BMPR1A: variants seen among roughly 807,000 people sequenced by gnomAD.
BMPR1A encodes the protein bone morphogenetic protein receptor type 1A.
BMPR1A carries 7 observed loss-of-function variants against 66.0 expected under a neutral mutation model. The ratio of observed to expected loss-of-function variants is 0.11; its 90% CI spans 0.06 to 0.20. BMPR1A has a LOEUF of 0.20. Ranked by LOEUF, BMPR1A falls within the 10% of genes least tolerant of loss-of-function variation. The pLI, the probability that BMPR1A is intolerant of heterozygous loss-of-function variation, is 1.00. For missense variants in BMPR1A, 408 were observed against 669.1 expected (o/e 0.61, Z 4.31); for synonymous variants, 200 against 229.7 (o/e 0.87, Z 1.17).
chr10:86,812,724 A>G (rs1177654944), intron 1 of BMPR1A, among the ~76,000 whole-genome samples: 1 of 152,122 alleles, frequency 6.6e-6, no homozygotes, highest in Non-Finnish European at 1.5e-5. Flanking sequence ...CCCAATCCAC[A>G]TGTACATAGC....
chr10:86,826,089 A>C (rs1211316063), intron 1 of BMPR1A, among the ~76,000 whole-genome samples: 1 of 152,124 alleles, frequency 6.6e-6, no homozygotes, highest in African/African-American at 2.4e-5. Context: ...CTGTTTATAA[A>C]GACATATATA....
chr10:86,814,807 A>G lies in BMPR1A; in HGVS notation c.-267-24058A>G, dbSNP rs777440125. 1.5e-4 allele frequency among the ~76,000 whole-genome samples: 23 copies of G among 151,362 alleles called. 1 individual carries two copies. Among genetic ancestry groups the G allele is most frequent in the Middle Eastern group, 3.4e-3 (1 of 294 alleles). On this transcript the variant is annotated intron_variant, in intron 1 of 12. Transcript: ENST00000372037. Reference sequence around the variant, plus strand: ...TTTTTTGTTTGTTTGTTTTTTTGAGACGGAGTCTTACTCTGTCGCCTGGGC... The same window carrying G: ...TTTTTTGTTTGTTTGTTTTTTTGAGGCGGAGTCTTACTCTGTCGCCTGGGC...
In BMPR1A at chr10:86,927,353, A is replaced by T. The variant is rs1289170075; in HGVS notation, c.*3634A>T. Reference sequence around the variant, plus strand: ...AGCAGAAATGATTTTTATTTTAACAAAAGATTATGATAGCCCTTGTAGTGT... The same window carrying T: ...AGCAGAAATGATTTTTATTTTAACATAAGATTATGATAGCCCTTGTAGTGT... On this transcript the variant is annotated 3_prime_UTR_variant, in exon 13 of 13. Transcript: ENST00000372037. 5.2e-6 allele frequency: 1 copy of T among 193,262 alleles called. No homozygotes were observed. The highest frequency in any genetic ancestry group is 8.2e-5 in the East Asian group (1 of 12,200). The allele number at this position is 193,262 out of a possible 1,614,324, so 12.0% of individuals were successfully genotyped here. A position where few individuals can be genotyped will look rare whatever the true frequency, so the allele number is the denominator to read the frequency against.
intron 1 of BMPR1A, among the ~76,000 whole-genome samples, chr10:86,763,541 G>C (rs539167463): frequency 6.6e-6 from 1 of 152,166 alleles, no homozygotes; most frequent in Non-Finnish European, 1.5e-5. Context: ...GTCATATAAT[G>C]CTTTTGGTCC....
At position 86,854,688 on chromosome 10, in the gene BMPR1A, C is replaced by A. The variant is rs1434367160; in HGVS notation, c.-153+15709C>A. 4 of 219,992 alleles carry A rather than the reference C, an allele frequency of 1.8e-5. No homozygotes were observed. The East Asian group carries it at 4.5e-4, about 25-fold the overall frequency. The allele number at this position is 219,992 out of a possible 1,614,324, so 13.6% of individuals were successfully genotyped here. ...CTGGAAAAGCTCATTGTCTTTAAGACGTATCCCTTCTGAGTCTTGTGATTT... is the reference window on the plus strand; with the variant it reads ...CTGGAAAAGCTCATTGTCTTTAAGAAGTATCCCTTCTGAGTCTTGTGATTT... On this transcript the variant is annotated intron_variant, in intron 2 of 12. Coordinates refer to ENST00000372037, the MANE Select transcript of BMPR1A (RefSeq NM_004329.3).
At chr10:86,815,908 A>G (rs1842030689) in intron 1 of BMPR1A, among the ~76,000 whole-genome samples, 1 of 152,220 alleles carries the variant, frequency 6.6e-6, no homozygotes, top group Non-Finnish European at 1.5e-5. Flanking sequence ...TGGCATAGTG[A>G]AAAGCCCATG....
chr10:86,771,834 T>C (rs1480965335), intron 1 of BMPR1A, among the ~76,000 whole-genome samples: 1 of 152,172 alleles, frequency 6.6e-6, no homozygotes, highest in East Asian at 1.9e-4. Flanking sequence ...TGAACATGGC[T>C]CACTGTAGCC....
intron 1 of BMPR1A, among the ~76,000 whole-genome samples, chr10:86,832,822 T>C (rs1842290948): frequency 6.6e-6 from 1 of 152,204 alleles, no homozygotes; most frequent in African/African-American, 2.4e-5. Flanking sequence ...AATTGATGGA[T>C]GTTTGGATTG....
chr10:86,921,423 A>G, intron 10 of BMPR1A, 97 bp from the exon 11 acceptor site: 1 of 1,509,318 alleles, frequency 6.6e-7, no homozygotes, highest in Non-Finnish European at 9.1e-7. Context: ...TCTGGCCCCA[A>G]GGAGAAAAAG....
intron 1 of BMPR1A, among the ~76,000 whole-genome samples, chr10:86,811,094 C>T (rs976238283): frequency 2.0e-5 from 3 of 152,080 alleles, no homozygotes; most frequent in South Asian, 2.1e-4. Flanking sequence ...GCTGGAGTGC[C>T]GTAGTGCCAT....
At chr10:86,757,133 C>T (rs1166305826) in intron 1 of BMPR1A, among the ~76,000 whole-genome samples, 1 of 151,892 alleles carries the variant, frequency 6.6e-6, no homozygotes, top group South Asian at 2.1e-4. Context: ...CCCCGCCGGC[C>T]CCTCTTTTGT....
intron 2 of BMPR1A, among the ~76,000 whole-genome samples, chr10:86,875,209 C>A (rs1481138081): frequency 6.6e-6 from 1 of 151,570 alleles, no homozygotes; most frequent in Non-Finnish European, 1.5e-5. Context: ...CCCATCTCTA[C>A]TAAAAATACA....
intron 7 of BMPR1A, among the ~76,000 whole-genome samples, chr10:86,903,781 G>T (rs1268368139): frequency 6.6e-6 from 1 of 151,924 alleles, no homozygotes; most frequent in Non-Finnish European, 1.5e-5. Context: ...CTAAGTTTTT[G>T]TATTTTTAGT....
chr10:86,854,903 T>G (rs1229662624), intron 2 of BMPR1A: 1 of 221,014 alleles, frequency 4.5e-6, no homozygotes, highest in Non-Finnish European at 9.7e-6. Flanking sequence ...GGTCTGAGAT[T>G]ATGTCATTAA....
intron 9 of BMPR1A, 78 bp downstream of exon 9, chr10:86,917,404 T>G: frequency 6.6e-7 from 1 of 1,515,284 alleles, no homozygotes; most frequent in Non-Finnish European, 9.1e-7. Flanking sequence ...ATATGTGCTT[T>G]GAAAATGTGT....
chr10:86,762,977 A>G (rs918407602), intron 1 of BMPR1A, among the ~76,000 whole-genome samples: 2 of 151,930 alleles, frequency 1.3e-5, no homozygotes, highest in African/African-American at 2.4e-5. Context: ...GCTCACTGCA[A>G]CCTCTACCTC....
At chr10:86,849,757 C>G (rs1842540806) in intron 2 of BMPR1A, among the ~76,000 whole-genome samples, 1 of 152,140 alleles carries the variant, frequency 6.6e-6, no homozygotes, top group Non-Finnish European at 1.5e-5. Flanking sequence ...TAGAACAATG[C>G]CTGGCAAATA....
intron 2 of BMPR1A, among the ~76,000 whole-genome samples, chr10:86,847,264 C>T (rs1317210288): frequency 6.6e-6 from 1 of 152,038 alleles, no homozygotes; most frequent in Non-Finnish European, 1.5e-5. Flanking sequence ...GTTTTCTCCT[C>T]ATATTCTCTT....
intron 1 of BMPR1A, among the ~76,000 whole-genome samples, chr10:86,818,484 C>G (rs1033751225): frequency 6.6e-6 from 1 of 152,100 alleles, no homozygotes; most frequent in African/African-American, 2.4e-5. Flanking sequence ...GATGAAGAGG[C>G]TTTCAGATTG....
Sources: gnomAD v4.1 joint callset for allele counts (sites outside exome capture counted in the v4.1 genomes callset) on GRCh38, gnomAD v4.1.1 for gene constraint, MANE v1.5 for transcripts, NCBI Gene and HGNC (gene_info 2026-07-23, HGNC 2026-07-21) for gene names.